Variants in TAFA1 observed in about 807,000 individuals in gnomAD.
The protein encoded by TAFA1 is TAFA chemokine like family member 1.
A neutral mutation model predicts 18.5 loss-of-function variants in TAFA1; 4 were observed. The ratio of observed to expected loss-of-function variants is 0.22; its 90% confidence interval spans 0.11 to 0.49. TAFA1 has a LOEUF of 0.49. TAFA1 is among the 20% of genes least tolerant of loss of function. The probability of loss-of-function intolerance (pLI) is 0.98; values close to 1 mark genes in which losing one functional copy is unlikely to be tolerated. For synonymous variants in TAFA1, 56 were observed against 55.2 expected (o/e 1.01, Z -0.06); for missense variants, 147 against 169.0 (o/e 0.87, Z 0.72).
intron 2 of TAFA1, among the ~76,000 whole-genome samples, chr3:68,237,531 G>A (rs571639499): frequency 6.6e-6 from 1 of 152,112 alleles, no homozygotes; most frequent in Non-Finnish European, 1.5e-5. Flanking sequence ...TGGATAACAA[G>A]GCATGTATGT....
rs538962398 is a variant in TAFA1, at chr3:68,112,998, AG to A, written c.118+106255del. 1.1e-4 allele frequency among the ~76,000 whole-genome samples: 17 copies of A among 152,306 alleles called. 1 individual carries two copies. Among genetic ancestry groups the A allele is most frequent in the African/African-American group, 3.1e-4 (13 of 41,578 alleles). On this transcript the variant is annotated intron_variant, in intron 2 of 4. Transcript: ENST00000478136. ...TCAATTATTCTCAAATTAATTTTTT[AG>A]ATTACTTTTTACACTCAATGTCGTG...
chr3:68,194,284 G>A (rs1454464101), intron 2 of TAFA1, among the ~76,000 whole-genome samples: 1 of 151,742 alleles, frequency 6.6e-6, no homozygotes, highest in Non-Finnish European at 1.5e-5. Context: ...TGGGGAGAAA[G>A]TGAGGCATTA....
chr3:68,336,764 A>T (rs1575786878), intron 2 of TAFA1, among the ~76,000 whole-genome samples: 3 of 152,274 alleles, frequency 2.0e-5, no homozygotes, highest in African/African-American at 7.2e-5. Flanking sequence ...TTGATCTGTC[A>T]CCAGGCTGGA....
Position 68,383,299 on chromosome 3 carries a change from C to T in TAFA1, c.119-33981C>T, listed in dbSNP as rs556890593. 4.6e-5 allele frequency among the ~76,000 whole-genome samples: 7 copies of T among 152,130 alleles called. No homozygotes were observed. In the East Asian group the frequency reaches 1.4e-3, roughly 29 times the overall value. ...GGAAATGTTCCAGCTTTTGCCAATTCAGTATGATGTCAGCTGTGGGTTTGT... is the reference window on the plus strand; with the variant it reads ...GGAAATGTTCCAGCTTTTGCCAATTTAGTATGATGTCAGCTGTGGGTTTGT... On this transcript the variant is annotated intron_variant, in intron 2 of 4. Transcript: ENST00000478136.
intron 2 of TAFA1, among the ~76,000 whole-genome samples, chr3:68,362,924 CA>C (rs1469201044): frequency 5.4e-5 from 7 of 128,648 alleles, no homozygotes; most frequent in Admixed American, 8.3e-5. Context: ...ACCTTAATCC[CA>C]AATTAGATTT....
chr3:68,479,584 G>A (rs952317271), intron 3 of TAFA1, among the ~76,000 whole-genome samples: 3 of 152,054 alleles, frequency 2.0e-5, no homozygotes, highest in Admixed American at 1.3e-4. Flanking sequence ...GCAATGCTGG[G>A]ATAAACACAA....
At chr3:68,363,675 C>T (rs1308202112) in intron 2 of TAFA1, among the ~76,000 whole-genome samples, 1 of 152,090 alleles carries the variant, frequency 6.6e-6, no homozygotes, top group African/African-American at 2.4e-5. Flanking sequence ...AAAAATGCAT[C>T]CTGCCTGATT....
At chr3:68,496,141 T>C (rs1166503155) in intron 3 of TAFA1, among the ~76,000 whole-genome samples, 1 of 152,142 alleles carries the variant, frequency 6.6e-6, no homozygotes, top group East Asian at 1.9e-4. Context: ...GCCTACCCTT[T>C]TACGCAGAAA....
chr3:68,502,486 G>A (rs928668082), intron 3 of TAFA1, among the ~76,000 whole-genome samples: 1 of 152,054 alleles, frequency 6.6e-6, no homozygotes, highest in African/African-American at 2.4e-5. Flanking sequence ...GACAAACTGG[G>A]TAGAAACTGA....
intron 2 of TAFA1, among the ~76,000 whole-genome samples, chr3:68,416,690 C>T (rs1015164884): frequency 3.3e-5 from 5 of 152,130 alleles, no homozygotes; most frequent in Non-Finnish European, 7.4e-5. Context: ...GCTATATGAC[C>T]AGGACTGCAA....
chr3:68,420,568 T>C (rs912758297), intron 3 of TAFA1, among the ~76,000 whole-genome samples: 4 of 152,064 alleles, frequency 2.6e-5, no homozygotes, highest in Non-Finnish European at 5.9e-5. Flanking sequence ...TTTGGGGATA[T>C]ACTGGGACTA....
intron 4 of TAFA1, among the ~76,000 whole-genome samples, chr3:68,542,907 A>G (rs538446840): frequency 2.6e-5 from 4 of 152,222 alleles, no homozygotes; most frequent in Admixed American, 2.6e-4. Context: ...TCAGATATAC[A>G]TTTGTCTCAG....
chr3:68,339,832 C>A (rs189247918), intron 2 of TAFA1, among the ~76,000 whole-genome samples: 1 of 152,208 alleles, frequency 6.6e-6, no homozygotes, highest in African/African-American at 2.4e-5. Context: ...GGTGGAGGGG[C>A]TATGATTTGT....
At chr3:67,998,431 G>A in the TAFA1 span, among the ~76,000 whole-genome samples, 2 of 152,084 alleles carry the variant, frequency 1.3e-5, no homozygotes, top group Non-Finnish European at 1.5e-5. Flanking sequence ...ATCTCTTTTG[G>A]GGGATGCTCT....
intron 2 of TAFA1, among the ~76,000 whole-genome samples, chr3:68,125,473 G>T (rs1256045850): frequency 6.6e-6 from 1 of 152,134 alleles, no homozygotes; most frequent in Non-Finnish European, 1.5e-5. Flanking sequence ...CTGTTTATTT[G>T]GTTTGTGGCT....
chr3:68,203,578 T>C (rs1320641295), intron 2 of TAFA1, among the ~76,000 whole-genome samples: 1 of 151,546 alleles, frequency 6.6e-6, no homozygotes, highest in African/African-American at 2.4e-5. Flanking sequence ...TATGATTGGG[T>C]TTCAGGATTT....
intron 3 of TAFA1, among the ~76,000 whole-genome samples, chr3:68,494,873 A>G (rs1259503221): frequency 1.3e-5 from 2 of 152,248 alleles, no homozygotes; most frequent in Non-Finnish European, 2.9e-5. Flanking sequence ...TGCTTTAAAA[A>G]TGATCAATTT....
chr3:68,161,909 C>G (rs962835538), intron 2 of TAFA1, among the ~76,000 whole-genome samples: 1 of 152,164 alleles, frequency 6.6e-6, no homozygotes, highest in African/African-American at 2.4e-5. Context: ...TGGCCCACCA[C>G]CAGTTTTTGC....
intron 3 of TAFA1, among the ~76,000 whole-genome samples, chr3:68,523,573 G>C (rs1332249095): frequency 1.3e-5 from 2 of 152,000 alleles, no homozygotes; most frequent in East Asian, 3.9e-4. Flanking sequence ...GCTTTTAGAA[G>C]CAAAAACTCA....
Sources: allele counts gnomAD v4.1 joint callset (sites outside exome capture counted in the v4.1 genomes callset), GRCh38; gene constraint gnomAD v4.1.1; transcripts MANE v1.5; gene names NCBI Gene and HGNC (gene_info 2026-07-23, HGNC 2026-07-21).